NEO1: variants seen among roughly 807,000 people sequenced by gnomAD.
The protein encoded by NEO1 is neogenin 1, also known as neogenin.
Under a neutral mutation model 159.7 loss-of-function variants are expected in NEO1, and 63 were observed. That is an observed-to-expected ratio of 0.39 (90% confidence interval 0.32 to 0.49). NEO1 has a LOEUF of 0.49. Ranked by LOEUF, NEO1 falls within the 20% of genes least tolerant of loss-of-function variation. The probability of loss-of-function intolerance (pLI) is 0.85; values close to 1 mark genes in which losing one functional copy is unlikely to be tolerated. For missense variants in NEO1, 1,615 were observed against 1,831.0 expected, an observed-to-expected ratio of 0.88 and a Z score of 2.15; for synonymous variants, 633 against 662.0, an observed-to-expected ratio of 0.96 and a Z score of 0.67.
chr15:73,216,671 C>T (rs1473629870), intron 7 of NEO1, among the ~76,000 whole-genome samples: 1 of 152,082 alleles, frequency 6.6e-6, no homozygotes, highest in Admixed American at 6.6e-5. Context: ...ATTTGCATTG[C>T]TCTGATGGCC....
At chr15:73,079,013 T>G (rs957650759) in intron 1 of NEO1, among the ~76,000 whole-genome samples, 1 of 152,224 alleles carries the variant, frequency 6.6e-6, no homozygotes, top group Non-Finnish European at 1.5e-5. Context: ...TCTAAGTGCA[T>G]TATCTCTTAT....
At chr15:73,209,247 C>T (rs1001258050) in intron 7 of NEO1, among the ~76,000 whole-genome samples, 1 of 152,192 alleles carries the variant, frequency 6.6e-6, no homozygotes. Flanking sequence ...TGGGAACAAC[C>T]TGTGTACAGC....
At chr15:73,292,391 G>A (rs1407402199) in intron 25 of NEO1, among the ~76,000 whole-genome samples, 2 of 152,194 alleles carry the variant, frequency 1.3e-5, no homozygotes, top group East Asian at 3.8e-4. Flanking sequence ...AGTATTGTTA[G>A]TCAGCTTTGG....
intron 28 of NEO1, among the ~76,000 whole-genome samples, chr15:73,301,946 GGC>G (rs2042634953): frequency 6.6e-6 from 1 of 152,164 alleles, no homozygotes; most frequent in Non-Finnish European, 1.5e-5. Context: ...TGGGATAACA[GGC>G]GTGAGCCACC....
intron 1 of NEO1, among the ~76,000 whole-genome samples, chr15:73,092,998 C>G (rs887822768): frequency 6.6e-6 from 1 of 152,080 alleles, no homozygotes; most frequent in Admixed American, 6.5e-5. Context: ...GTTATGTCTT[C>G]TTGGGCTCTC....
chr15:73,265,050 A>C (rs1229834996), intron 15 of NEO1, among the ~76,000 whole-genome samples: 1 of 152,150 alleles, frequency 6.6e-6, no homozygotes, highest in East Asian at 1.9e-4. Flanking sequence ...GAAGAGTGGG[A>C]TGTGACCCCA....
At chr15:73,076,809 C>A (rs1459359652) in intron 1 of NEO1, among the ~76,000 whole-genome samples, 1 of 152,198 alleles carries the variant, frequency 6.6e-6, no homozygotes, top group Non-Finnish European at 1.5e-5. Flanking sequence ...TACCTTTCCT[C>A]TTTCTCACAA....
chr15:73,278,545 T>G (rs1320437012), intron 22 of NEO1, among the ~76,000 whole-genome samples: 1 of 152,202 alleles, frequency 6.6e-6, no homozygotes. Flanking sequence ...GCTTTTAGAA[T>G]CATTAAGTTC....
At chr15:73,111,285 A>G in intron 1 of NEO1, among the ~76,000 whole-genome samples, 1 of 152,274 alleles carries the variant, frequency 6.6e-6, no homozygotes, top group Non-Finnish European at 1.5e-5. Context: ...TACATTTTTT[A>G]TTATTTATGT....
At position 73,273,981 on chromosome 15, in the gene NEO1, G is replaced by T. The variant is rs764184269; in HGVS notation, c.3136G>T (p.Ala1046Ser). 3 of 1,613,900 alleles carry T rather than the reference G, an allele frequency of 1.9e-6. No individual in the cohort carries two copies. In the South Asian group the frequency reaches 3.3e-5, roughly 18 times the overall value. Residue 1046 changes from alanine (A) to serine (S), a missense_variant, in exon 20 of 29, where the codon GCT (alanine) becomes TCT (serine). Coordinates refer to ENST00000261908, the MANE Select transcript of NEO1 (RefSeq NM_002499.4). ...NSKGMGPMSE[A>S]VQFRTPKADS... ...AAAGGGCATGGGACCCATGTCTGAA[G>T]CTGTCCAATTCAGAACACCTAAAGG...
At chr15:73,254,219 C>CT (rs927424543) in intron 12 of NEO1, among the ~76,000 whole-genome samples, 253 of 146,790 alleles carry the variant, frequency 1.7e-3, no homozygotes, top group Non-Finnish European at 2.2e-3. Flanking sequence ...TATAGGGCTC[C>CT]TTTTTTTTTT....
intron 1 of NEO1, among the ~76,000 whole-genome samples, chr15:73,085,842 A>C (rs1241645238): frequency 6.6e-6 from 1 of 152,054 alleles, no homozygotes; most frequent in Non-Finnish European, 1.5e-5. Context: ...AATTCTTTAT[A>C]TATTTTTTAT....
At chr15:73,136,772 C>CACATTCCATATGAGGGTA (rs950562107) in intron 5 of NEO1, among the ~76,000 whole-genome samples, 2 of 152,242 alleles carry the variant, frequency 1.3e-5, no homozygotes, top group South Asian at 2.1e-4. Context: ...TGCCATTCCT[C>CACATTCCATATGAGGGTA]CATATGGAAA....
At chr15:73,059,153 G>A (rs1342886210) in intron 1 of NEO1, among the ~76,000 whole-genome samples, 1 of 152,146 alleles carries the variant, frequency 6.6e-6, no homozygotes, top group Admixed American at 6.5e-5. Context: ...CTTAGGCTTG[G>A]AAGGGATGTA....
chr15:73,281,840 CAA>C (rs1338137335), intron 22 of NEO1, among the ~76,000 whole-genome samples: 1 of 151,838 alleles, frequency 6.6e-6, no homozygotes, highest in African/African-American at 2.4e-5. Flanking sequence ...AGTAGGGAGG[CAA>C]AGAAACATGT....
intron 15 of NEO1, among the ~76,000 whole-genome samples, chr15:73,265,228 A>G (rs535740899): frequency 6.6e-6 from 1 of 152,274 alleles, no homozygotes; most frequent in East Asian, 1.9e-4. Context: ...GGAGGGGATG[A>G]GGGAAAAGGA....
At chr15:73,152,651 G>T (rs2033465485) in intron 5 of NEO1, among the ~76,000 whole-genome samples, 1 of 152,220 alleles carries the variant, frequency 6.6e-6, no homozygotes, top group Non-Finnish European at 1.5e-5. Context: ...AGAGGTTCTG[G>T]AGGACTAGGC....
chr15:73,199,941 T>C (rs1394496493), intron 7 of NEO1, among the ~76,000 whole-genome samples: 2 of 152,184 alleles, frequency 1.3e-5, no homozygotes, highest in Non-Finnish European at 1.5e-5. Flanking sequence ...AGAGCCCTCA[T>C]GACCTAATCA....
chr15:73,261,394 A>C (rs1484076256), intron 15 of NEO1, among the ~76,000 whole-genome samples: 1 of 152,290 alleles, frequency 6.6e-6, no homozygotes, highest in East Asian at 1.9e-4. Flanking sequence ...TCTGGTCACT[A>C]TATCTGTTCG....
Sources: gnomAD v4.1 joint callset for allele counts (sites outside exome capture counted in the v4.1 genomes callset) on GRCh38, gnomAD v4.1.1 for gene constraint, MANE v1.5 for transcripts, NCBI Gene and HGNC (gene_info 2026-07-23, HGNC 2026-07-21) for gene names.